Variants in EXOC4 observed in about 807,000 individuals in gnomAD.
EXOC4 encodes SEC8-like 1.
A neutral mutation model predicts 107.2 loss-of-function variants in EXOC4; 71 were observed. The ratio of observed to expected loss-of-function variants is 0.66; its 90% CI spans 0.55 to 0.81. The LOEUF (loss-of-function observed/expected upper bound fraction) is 0.81. Ranked by LOEUF, EXOC4 falls within the 30% of genes least tolerant of loss-of-function variation. The pLI, the probability that EXOC4 is intolerant of heterozygous loss-of-function variation, is 0.00. For synonymous variants in EXOC4, 456 were observed against 441.2 expected, an observed-to-expected ratio of 1.03 and a Z score of -0.42; for missense variants, 1,108 against 1,189.6, an observed-to-expected ratio of 0.93 and a Z score of 1.01.
intron 10 of EXOC4, among the ~76,000 whole-genome samples, chr7:133,659,672 G>A (rs1221041043): frequency 6.6e-6 from 1 of 152,134 alleles, no homozygotes; most frequent in African/African-American, 2.4e-5. Flanking sequence ...TGGAGAATCA[G>A]CATTTTGAGC....
At chr7:133,660,176 A>AG (rs1803405531) in intron 10 of EXOC4, among the ~76,000 whole-genome samples, 1 of 22,896 alleles carries the variant, frequency 4.4e-5, no homozygotes, top group Non-Finnish European at 1.7e-4. Context: ...TGTTTTCATT[A>AG]ATTTTTTTTT....
chr7:133,328,575 C>A (rs1795304801), intron 5 of EXOC4, among the ~76,000 whole-genome samples: 1 of 152,172 alleles, frequency 6.6e-6, no homozygotes, highest in Non-Finnish European at 1.5e-5. Flanking sequence ...TTATTCCTTT[C>A]CATTTTAGTG....
At chr7:134,006,533 C>T (rs1049809791) in intron 16 of EXOC4, among the ~76,000 whole-genome samples, 2 of 152,140 alleles carry the variant, frequency 1.3e-5, no homozygotes, top group East Asian at 1.9e-4. Context: ...GACCTGAATG[C>T]ATCTCCTCCC....
intron 7 of EXOC4, among the ~76,000 whole-genome samples, chr7:133,431,061 A>C (rs540864718): frequency 1.1e-3 from 164 of 152,344 alleles, no homozygotes; most frequent in Non-Finnish European, 1.8e-3. Flanking sequence ...AGTGATGCCC[A>C]GAGATGTCAG....
chr7:133,504,076 G>A (rs1361673906), intron 9 of EXOC4, among the ~76,000 whole-genome samples: 2 of 152,076 alleles, frequency 1.3e-5, no homozygotes. Context: ...CCGACTTGGA[G>A]AGCCTTATTA....
intron 7 of EXOC4, among the ~76,000 whole-genome samples, chr7:133,377,953 T>C (rs1157254557): frequency 6.6e-6 from 1 of 152,176 alleles, no homozygotes; most frequent in African/African-American, 2.4e-5. Flanking sequence ...AATAGAGACA[T>C]TTTCAAATGA....
chr7:133,842,888 G>C (rs1267294442), intron 11 of EXOC4, among the ~76,000 whole-genome samples: 1 of 152,052 alleles, frequency 6.6e-6, no homozygotes, highest in Non-Finnish European at 1.5e-5. Flanking sequence ...ACCATTTATC[G>C]AATAGGGAGT....
intron 9 of EXOC4, among the ~76,000 whole-genome samples, chr7:133,547,224 T>A (rs1800498853): frequency 6.6e-6 from 1 of 152,204 alleles, no homozygotes; most frequent in African/African-American, 2.4e-5. Flanking sequence ...GTTTACACTA[T>A]AGTGTAGTTT....
At chr7:133,961,904 A>G (rs531624639) in intron 14 of EXOC4, among the ~76,000 whole-genome samples, 31 of 152,272 alleles carry the variant, frequency 2.0e-4, no homozygotes, top group African/African-American at 6.7e-4. Flanking sequence ...ATGCACTCTA[A>G]TGTGGTACCT....
At chr7:133,338,356 G>A (rs1187373049) in intron 5 of EXOC4, among the ~76,000 whole-genome samples, 4 of 151,218 alleles carry the variant, frequency 2.6e-5, no homozygotes, top group African/African-American at 9.7e-5. Context: ...CACTTTGGGA[G>A]GCCGAGGCGG....
At chr7:133,733,572 G>A (rs899169603) in intron 10 of EXOC4, 2 of 152,166 alleles carry the variant, frequency 1.3e-5, no homozygotes, top group African/African-American at 2.4e-5. Flanking sequence ...TTTTTGTAAG[G>A]CACTTGTTCT....
intron 5 of EXOC4, among the ~76,000 whole-genome samples, chr7:133,319,787 TC>T (rs1795070725): frequency 6.6e-6 from 1 of 151,938 alleles, no homozygotes; most frequent in Non-Finnish European, 1.5e-5. Context: ...GCCAGACGTT[TC>T]TTTTTAGATG....
At chr7:133,491,645 G>C (rs1799373402) in intron 9 of EXOC4, among the ~76,000 whole-genome samples, 1 of 152,206 alleles carries the variant, frequency 6.6e-6, no homozygotes, top group African/African-American at 2.4e-5. Context: ...TCTGGGGCCT[G>C]TTCCTGGAAC....
intron 11 of EXOC4, among the ~76,000 whole-genome samples, chr7:133,884,510 T>C (rs1799035483): frequency 6.6e-6 from 1 of 151,950 alleles, no homozygotes; most frequent in South Asian, 2.1e-4. Context: ...CACATTCAGG[T>C]GCATCAGCCA....
At position 133,290,245 on chromosome 7, in the gene EXOC4, A is replaced by G. The variant is rs539015940; in HGVS notation, c.471+1129A>G. ...TGGGAGTTTAAGGCTGCAGTGAGTCATGATCAGGTCACTGTACTCCAGCCT... is the reference window on the plus strand; with the variant it reads ...TGGGAGTTTAAGGCTGCAGTGAGTCGTGATCAGGTCACTGTACTCCAGCCT... On this transcript the variant is annotated intron_variant, in intron 3 of 17. Coordinates refer to ENST00000253861, the MANE Select transcript of EXOC4 (RefSeq NM_021807.4). Among the ~76,000 whole-genome samples the G allele has an allele frequency of 1.8e-3, 277 of 152,316 alleles. 1 individual carries two copies. The highest frequency in any genetic ancestry group is 0.014 in the Middle Eastern group (4 of 294).
At chr7:133,545,174 T>A (rs1800457247) in intron 9 of EXOC4, among the ~76,000 whole-genome samples, 2 of 152,110 alleles carry the variant, frequency 1.3e-5, no homozygotes, top group African/African-American at 4.8e-5. Flanking sequence ...AAGAAAAAAG[T>A]AATGCCTCAT....
At chr7:133,972,314 G>A (rs1585290774) in intron 14 of EXOC4, among the ~76,000 whole-genome samples, 1 of 152,038 alleles carries the variant, frequency 6.6e-6, no homozygotes, top group Admixed American at 6.6e-5. Flanking sequence ...TCATGTAAAT[G>A]ATTAGTCTGT....
At chr7:133,650,639 C>G (rs2151034078) in intron 10 of EXOC4, among the ~76,000 whole-genome samples, 1 of 152,204 alleles carries the variant, frequency 6.6e-6, no homozygotes, top group Non-Finnish European at 1.5e-5. Context: ...GTAGTTACTC[C>G]TTGGAATGAG....
chr7:133,619,401 A>C (rs10268084), intron 9 of EXOC4, among the ~76,000 whole-genome samples: 24,134 of 152,186 alleles, frequency 0.16, 2,262 homozygotes, highest in African/African-American at 0.25. Flanking sequence ...TATTTCTTCT[A>C]TATGAACTAG....
Sources: gnomAD v4.1 joint callset for allele counts (sites outside exome capture counted in the v4.1 genomes callset) on GRCh38, gnomAD v4.1.1 for gene constraint, MANE v1.5 for transcripts, NCBI Gene and HGNC (gene_info 2026-07-23, HGNC 2026-07-21) for gene names.